SETBP1: variants seen among roughly 807,000 people sequenced by gnomAD.
SETBP1 encodes SET binding protein 1, also known as SET-binding protein.
A neutral mutation model predicts 101.0 loss-of-function variants in SETBP1; 9 were observed. The ratio of observed to expected loss-of-function variants is 0.09; its 90% CI spans 0.05 to 0.16. SETBP1 has a LOEUF of 0.16. SETBP1 is among the 10% of genes least tolerant of loss of function. SETBP1 has a pLI of 1.00. For synonymous variants in SETBP1, 818 were observed against 788.5 expected (o/e 1.04, Z -0.63); for missense variants, 1,858 against 2,033.8 (o/e 0.91, Z 1.66).
At chr18:45,004,406 G>T (rs1290516516) in intron 4 of SETBP1, among the ~76,000 whole-genome samples, 2 of 152,182 alleles carry the variant, frequency 1.3e-5, no homozygotes, top group African/African-American at 4.8e-5. Flanking sequence ...CTGTGTAGAA[G>T]AAACAGCATC....
At position 44,967,457 on chromosome 18, in the gene SETBP1, C is replaced by G. The variant is rs891434238; in HGVS notation, c.4000+14117C>G. On this transcript the variant is annotated intron_variant, in intron 4 of 5. Coordinates refer to ENST00000649279, the MANE Select transcript of SETBP1 (RefSeq NM_015559.3). ...GATTGGTACTCTATCATTGTTGTAA[C>G]AAACCACAGATTTAGCAGTTTAAAA... is the stretch of plus-strand genomic sequence containing the variant. 3.9e-5 allele frequency among the ~76,000 whole-genome samples: 6 copies of G among 152,188 alleles called. No individual in the cohort carries two copies. The South Asian group carries it at 6.2e-4, about 16-fold the overall frequency.
At chr18:44,755,499 T>C (rs1054020269) in intron 2 of SETBP1, among the ~76,000 whole-genome samples, 1 of 151,622 alleles carries the variant, frequency 6.6e-6, no homozygotes, top group African/African-American at 2.4e-5. Flanking sequence ...TTTTTCTTCC[T>C]CCTGCCCTTA....
intron 2 of SETBP1, among the ~76,000 whole-genome samples, chr18:44,846,100 A>G (rs562809247): frequency 1.8e-4 from 28 of 152,250 alleles, no homozygotes; most frequent in African/African-American, 6.7e-4. Context: ...CTCAATCCTT[A>G]ATGGGCTGCA....
At chr18:44,957,213 G>T (rs1312110578) in intron 4 of SETBP1, among the ~76,000 whole-genome samples, 1 of 152,132 alleles carries the variant, frequency 6.6e-6, no homozygotes, top group Non-Finnish European at 1.5e-5. Flanking sequence ...TGCATAGTCA[G>T]AATGATGCCA....
intron 3 of SETBP1, 56 bp downstream of exon 3, chr18:44,869,339 G>C: frequency 6.5e-7 from 1 of 1,540,790 alleles, no homozygotes; most frequent in African/African-American, 1.4e-5. Context: ...TCCAGAGTTT[G>C]GTTGTCAACA....
intron 3 of SETBP1, among the ~76,000 whole-genome samples, chr18:44,919,688 GT>G (rs2070532946): frequency 6.6e-6 from 1 of 150,826 alleles, no homozygotes; most frequent in South Asian, 2.1e-4. Context: ...ATCCTCTCTG[GT>G]TTTTCCTTAA....
At chr18:45,035,786 T>C (rs1332839052) in intron 4 of SETBP1, among the ~76,000 whole-genome samples, 3 of 152,366 alleles carry the variant, frequency 2.0e-5, no homozygotes, top group East Asian at 3.9e-4. Context: ...TGAGCTGTTC[T>C]GTGGAAATTC....
chr18:44,924,116 C>T (rs571600482), intron 3 of SETBP1, among the ~76,000 whole-genome samples: 1 of 152,248 alleles, frequency 6.6e-6, no homozygotes, highest in African/African-American at 2.4e-5. Context: ...ATCAAGATGG[C>T]CCAGTTGTAG....
chr18:44,848,772 G>A (rs1472629661), intron 2 of SETBP1, among the ~76,000 whole-genome samples: 1 of 152,176 alleles, frequency 6.6e-6, no homozygotes, highest in Non-Finnish European at 1.5e-5. Flanking sequence ...GATTCCGGCA[G>A]GTCTGGCTTC....
At chr18:44,887,140 G>A (rs957595588) in intron 3 of SETBP1, among the ~76,000 whole-genome samples, 5 of 152,154 alleles carry the variant, frequency 3.3e-5, no homozygotes, top group Non-Finnish European at 7.4e-5. Context: ...CATTTGTCAA[G>A]TGGGGACATG....
chr18:44,959,077 C>T (rs938333277), intron 4 of SETBP1, among the ~76,000 whole-genome samples: 7 of 152,152 alleles, frequency 4.6e-5, no homozygotes, highest in South Asian at 2.1e-4. Context: ...TTGAAGTCCC[C>T]GAGCCATTTA....
intron 4 of SETBP1, among the ~76,000 whole-genome samples, chr18:45,023,600 A>T (rs1265989447): frequency 1.3e-5 from 2 of 152,230 alleles, no homozygotes; most frequent in African/African-American, 4.8e-5. Context: ...AACTTGGCTT[A>T]TTGGGGTTCC....
chr18:44,778,862 C>T (rs2071062693), intron 2 of SETBP1, among the ~76,000 whole-genome samples: 1 of 152,248 alleles, frequency 6.6e-6, no homozygotes, highest in South Asian at 2.1e-4. Flanking sequence ...CTGCCAAGGT[C>T]TATTTACTCA....
intron 5 of SETBP1, among the ~76,000 whole-genome samples, chr18:45,041,354 A>G (rs917353093): frequency 6.6e-5 from 10 of 152,232 alleles, no homozygotes; most frequent in African/African-American, 2.4e-4. Context: ...TGCTTGAAAT[A>G]TAGTAACATA....
At chr18:44,721,208 A>G (rs1361482266) in intron 2 of SETBP1, among the ~76,000 whole-genome samples, 3 of 152,184 alleles carry the variant, frequency 2.0e-5, no homozygotes, top group Non-Finnish European at 2.9e-5. Context: ...AGAATTCATA[A>G]GCATCTTACT....
chr18:44,748,671 G>A (rs944595995), intron 2 of SETBP1, among the ~76,000 whole-genome samples: 1 of 152,196 alleles, frequency 6.6e-6, no homozygotes, highest in Non-Finnish European at 1.5e-5. Context: ...CATCCCAGGA[G>A]CAATGCAGGT....
chr18:44,939,924 A>G (rs1026263341), intron 3 of SETBP1, among the ~76,000 whole-genome samples: 8 of 152,250 alleles, frequency 5.3e-5, no homozygotes. Flanking sequence ...GATAGTACAG[A>G]TGAAACCTCT....
rs563241516 is a variant in SETBP1, at chr18:45,049,055, G to A, written c.4171+10400G>A. ...AGGAGCTTTAACACTACGTGGGAAGGCCTGCCTCCAAAACATGAGATGACC... is the reference window on the plus strand; with the variant it reads ...AGGAGCTTTAACACTACGTGGGAAGACCTGCCTCCAAAACATGAGATGACC... On this transcript the variant is annotated intron_variant, in intron 5 of 5. Coordinates refer to ENST00000649279, the MANE Select transcript of SETBP1 (RefSeq NM_015559.3). 3.3e-5 allele frequency among the ~76,000 whole-genome samples: 5 copies of A among 151,238 alleles called. No homozygotes were observed. In the South Asian group the frequency reaches 1.0e-3, roughly 32 times the overall value.
At chr18:44,759,806 G>A (rs376704611) in intron 2 of SETBP1, among the ~76,000 whole-genome samples, 1 of 152,170 alleles carries the variant, frequency 6.6e-6, no homozygotes. Context: ...CTAGATTTTA[G>A]TTCTCAATTC....
Sources: gnomAD v4.1 joint callset for allele counts (sites outside exome capture counted in the v4.1 genomes callset) on GRCh38, gnomAD v4.1.1 for gene constraint, MANE v1.5 for transcripts, NCBI Gene and HGNC (gene_info 2026-07-23, HGNC 2026-07-21) for gene names.